SORCS2: variants seen among roughly 807,000 people sequenced by gnomAD.
The protein encoded by SORCS2 is VPS10 domain-containing receptor SorCS2.
SORCS2 carries 100 observed loss-of-function variants against 141.6 expected under a neutral mutation model. That is an observed-to-expected ratio of 0.71 (90% CI 0.60 to 0.83). SORCS2 has a LOEUF of 0.83. SORCS2 is among the 40% of genes least tolerant of loss of function. The probability of loss-of-function intolerance (pLI) is 0.00; values close to 1 mark genes in which losing one functional copy is unlikely to be tolerated. For missense variants in SORCS2, 1,646 were observed against 1,560.2 expected (o/e 1.05, Z -0.93); for synonymous variants, 789 against 676.9 (o/e 1.17, Z -2.57).
rs1308690722 is a variant in SORCS2, at chr4:7,657,601, GTGAGTGGGTGAGTGAGTCACTGAA to G, written c.887+3400_887+3423del. Among the ~76,000 whole-genome samples the G allele has an allele frequency of 7.6e-4, 115 of 151,560 alleles. 1 individual carries two copies. Among genetic ancestry groups the G allele is most frequent in the Non-Finnish European group, 1.2e-3 (83 of 68,010 alleles). ...ACTGAATGAATGAATGAGCGGGTGAGTGAGTGGGTGAGTGAGTCACTGAATGAGTTAGTGAGTGAGTGAATGAGT... is the reference window on the plus strand; with the variant it reads ...ACTGAATGAATGAATGAGCGGGTGAGTGAGTTAGTGAGTGAGTGAATGAGT... On this transcript the variant is annotated intron_variant, in intron 5 of 26. Transcript: ENST00000507866.
intron 14 of SORCS2, among the ~76,000 whole-genome samples, chr4:7,710,532 C>A (rs1461010260): frequency 2.6e-5 from 4 of 152,190 alleles, no homozygotes; most frequent in African/African-American, 4.8e-5. Context: ...GAGAGAAGAC[C>A]CTCAGATGCT....
chr4:7,739,158 G>A (rs1001962952), intron 26 of SORCS2, among the ~76,000 whole-genome samples: 2 of 152,198 alleles, frequency 1.3e-5, no homozygotes, highest in Non-Finnish European at 2.9e-5. Context: ...AGGTCACTTA[G>A]TGAAAAGAGG....
chr4:7,258,699 C>G (rs1214059357), intron 1 of SORCS2, among the ~76,000 whole-genome samples: 2 of 152,178 alleles, frequency 1.3e-5, no homozygotes, highest in African/African-American at 2.4e-5. Context: ...ATTTCTAGTT[C>G]TAGATCCTTG....
chr4:7,370,678 C>T (rs1722193099), intron 1 of SORCS2, among the ~76,000 whole-genome samples: 1 of 152,206 alleles, frequency 6.6e-6, no homozygotes, highest in African/African-American at 2.4e-5. Flanking sequence ...GGGTGCTATC[C>T]CGAGCTGGTG....
chr4:7,534,327 G>C (rs947342522), intron 3 of SORCS2, among the ~76,000 whole-genome samples: 14 of 139,228 alleles, frequency 1.0e-4, no homozygotes, highest in Non-Finnish European at 1.6e-5. Context: ...AGCTCTGCCA[G>C]GTCCCCCCCC....
At chr4:7,423,641 A>T (rs1241843130) in intron 2 of SORCS2, among the ~76,000 whole-genome samples, 1 of 152,192 alleles carries the variant, frequency 6.6e-6, no homozygotes, top group Admixed American at 6.5e-5. Flanking sequence ...TTTGGGGGAC[A>T]GGTCAGTTTC....
chr4:7,529,766 C>T (rs536428126), intron 2 of SORCS2, among the ~76,000 whole-genome samples: 45 of 152,336 alleles, frequency 3.0e-4, no homozygotes, highest in Non-Finnish European at 5.0e-4. Context: ...GGGCCTCTCT[C>T]TGCGTCCTTC....
At chr4:7,708,590 G>GGA (rs1466398589) in intron 14 of SORCS2, among the ~76,000 whole-genome samples, 1 of 152,154 alleles carries the variant, frequency 6.6e-6, no homozygotes, top group Non-Finnish European at 1.5e-5. Context: ...CCACAGTCTG[G>GGA]GGGGCGTCTT....
At chr4:7,596,564 T>A (rs1267819571) in intron 3 of SORCS2, among the ~76,000 whole-genome samples, 1 of 152,258 alleles carries the variant, frequency 6.6e-6, no homozygotes, top group Non-Finnish European at 1.5e-5. Flanking sequence ...CCTTTCGTGC[T>A]AAAACCCATT....
chr4:7,689,719 A>C, intron 11 of SORCS2, 131 bp downstream of exon 11: 1 of 796,452 alleles, frequency 1.3e-6, no homozygotes, highest in Non-Finnish European at 1.9e-6. Flanking sequence ...GTACCACTGC[A>C]TCTCCAGGAA....
At chr4:7,416,587 C>T (rs564395599) in intron 2 of SORCS2, among the ~76,000 whole-genome samples, 1 of 152,164 alleles carries the variant, frequency 6.6e-6, no homozygotes, top group South Asian at 2.1e-4. Context: ...CATGCAGACA[C>T]ATGCTCACAC....
At chr4:7,368,884 A>G (rs530387771) in intron 1 of SORCS2, among the ~76,000 whole-genome samples, 5 of 152,178 alleles carry the variant, frequency 3.3e-5, no homozygotes, top group African/African-American at 1.2e-4. Context: ...TGATAGTGAG[A>G]GTCTCACGAG....
At chr4:7,427,006 A>G (rs1726488298) in intron 2 of SORCS2, among the ~76,000 whole-genome samples, 2 of 152,132 alleles carry the variant, frequency 1.3e-5, no homozygotes, top group Admixed American at 1.3e-4. Flanking sequence ...CCACCAAGGA[A>G]GGGCTTAGTG....
chr4:7,293,388 T>C (rs970011271), intron 1 of SORCS2, among the ~76,000 whole-genome samples: 1 of 152,118 alleles, frequency 6.6e-6, no homozygotes, highest in Non-Finnish European at 1.5e-5. Context: ...GCTTCTGTCA[T>C]ACACAATCTC....
chr4:7,662,661 C>T (rs1223922744), intron 6 of SORCS2, among the ~76,000 whole-genome samples: 1 of 152,262 alleles, frequency 6.6e-6, no homozygotes, highest in African/African-American at 2.4e-5. Flanking sequence ...ACCACGTTGT[C>T]AGGGTTAGCT....
At chr4:7,299,045 C>G in intron 1 of SORCS2, among the ~76,000 whole-genome samples, 1 of 152,388 alleles carries the variant, frequency 6.6e-6, no homozygotes, top group East Asian at 1.9e-4. Flanking sequence ...CCCGCCACCC[C>G]CTCTTGGGTC....
At chr4:7,464,532 G>A (rs1286504378) in intron 2 of SORCS2, among the ~76,000 whole-genome samples, 1 of 152,150 alleles carries the variant, frequency 6.6e-6, no homozygotes, top group East Asian at 1.9e-4. Context: ...GTGCTGCAGA[G>A]GGATTTGCAG....
intron 3 of SORCS2, among the ~76,000 whole-genome samples, chr4:7,578,091 A>G (rs73214683): frequency 0.011 from 1,722 of 152,350 alleles, 16 homozygotes; most frequent in Middle Eastern, 0.024. Flanking sequence ...TGGATCCCTC[A>G]TGAATAGATT....
At chr4:7,333,613 C>T (rs1287281419) in intron 1 of SORCS2, among the ~76,000 whole-genome samples, 4 of 152,180 alleles carry the variant, frequency 2.6e-5, no homozygotes, top group Non-Finnish European at 5.9e-5. Flanking sequence ...CCCTGCCTCA[C>T]CTGGGGACTG....
Sources: allele counts gnomAD v4.1 joint callset (sites outside exome capture counted in the v4.1 genomes callset), GRCh38; gene constraint gnomAD v4.1.1; transcripts MANE v1.5; gene names NCBI Gene and HGNC (gene_info 2026-07-23, HGNC 2026-07-21).